The following HS6ST3 variants were observed in gnomAD, a reference collection of about 807,000 sequenced individuals.
HS6ST3 encodes the protein heparan sulfate 6-O-sulfotransferase 3.
In HS6ST3, 12 loss-of-function variants were observed where a neutral mutation model predicts 36.7. The observed-to-expected ratio is 0.33, with a 90% confidence interval of 0.21 to 0.53. The LOEUF (loss-of-function observed/expected upper bound fraction) is 0.53, where lower values mean the gene tolerates loss of function less well. Ranked by LOEUF, HS6ST3 falls within the 20% of genes least tolerant of loss-of-function variation. HS6ST3 has a pLI of 0.95. For synonymous variants in HS6ST3, 240 were observed against 257.5 expected (o/e 0.93, Z 0.65); for missense variants, 584 against 640.9 (o/e 0.91, Z 0.96).
At chr13:96,540,051 G>T (rs2056171923) in intron 1 of HS6ST3, among the ~76,000 whole-genome samples, 1 of 152,230 alleles carries the variant, frequency 6.6e-6, no homozygotes, top group African/African-American at 2.4e-5. Context: ...GATAGTGGCT[G>T]CTGGCTAAAA....
chr13:96,249,798 A>G (rs943982289), intron 1 of HS6ST3, among the ~76,000 whole-genome samples: 1 of 152,200 alleles, frequency 6.6e-6, no homozygotes, highest in Non-Finnish European at 1.5e-5. Context: ...ATGCTACAAC[A>G]TGATGAACTT....
At chr13:96,127,741 T>C (rs1182274762) in intron 1 of HS6ST3, among the ~76,000 whole-genome samples, 1 of 152,246 alleles carries the variant, frequency 6.6e-6, no homozygotes, top group East Asian at 1.9e-4. Context: ...TTAGTTCTGC[T>C]CTTATTCTAG....
intron 1 of HS6ST3, among the ~76,000 whole-genome samples, chr13:96,782,411 G>T (rs1196388370): frequency 6.6e-6 from 1 of 152,104 alleles, no homozygotes; most frequent in South Asian, 2.1e-4. Context: ...TTGCATATGG[G>T]TGTGGCTTGT....
chr13:96,263,783 C>G (rs966838616), intron 1 of HS6ST3, among the ~76,000 whole-genome samples: 47 of 152,208 alleles, frequency 3.1e-4, no homozygotes, highest in African/African-American at 1.1e-3. Flanking sequence ...TGGACAAGAA[C>G]AGAGCAGCCA....
intron 1 of HS6ST3, among the ~76,000 whole-genome samples, chr13:96,785,924 G>T (rs1026316100): frequency 5.9e-5 from 9 of 152,244 alleles, no homozygotes; most frequent in African/African-American, 2.2e-4. Flanking sequence ...AGATGACATT[G>T]GTAATATAAA....
At chr13:96,178,154 G>T (rs1235723728) in intron 1 of HS6ST3, among the ~76,000 whole-genome samples, 2 of 152,054 alleles carry the variant, frequency 1.3e-5, no homozygotes, top group African/African-American at 4.8e-5. Context: ...GATTGGCCAC[G>T]AATTAATACT....
At chr13:96,416,963 G>T (rs1471336201) in intron 1 of HS6ST3, among the ~76,000 whole-genome samples, 1 of 151,998 alleles carries the variant, frequency 6.6e-6, no homozygotes, top group Non-Finnish European at 1.5e-5. Flanking sequence ...TGTTAGCCAG[G>T]ATGGTCTCGA....
intron 1 of HS6ST3, among the ~76,000 whole-genome samples, chr13:96,567,075 A>G (rs541206109): frequency 4.6e-5 from 7 of 152,302 alleles, no homozygotes; most frequent in African/African-American, 1.4e-4. Context: ...GATATTTCCT[A>G]TTAATGATAC....
intron 1 of HS6ST3, among the ~76,000 whole-genome samples, chr13:96,211,057 A>C (rs1594717852): frequency 6.6e-6 from 1 of 151,980 alleles, no homozygotes; most frequent in East Asian, 1.9e-4. Flanking sequence ...CAGCCTCCCA[A>C]GAAACTGGGA....
chr13:96,740,064 C>G (rs996134014), intron 1 of HS6ST3, among the ~76,000 whole-genome samples: 4 of 152,102 alleles, frequency 2.6e-5, no homozygotes, highest in African/African-American at 9.7e-5. Context: ...TCTCAAGACT[C>G]CCTACCTACA....
At chr13:96,571,459 T>A (rs566942040) in intron 1 of HS6ST3, among the ~76,000 whole-genome samples, 1 of 152,362 alleles carries the variant, frequency 6.6e-6, no homozygotes, top group East Asian at 1.9e-4. Flanking sequence ...TAAGGTGAAA[T>A]GGACTCTTAT....
chr13:96,178,658 C>A (rs1196366396), intron 1 of HS6ST3, among the ~76,000 whole-genome samples: 1 of 152,140 alleles, frequency 6.6e-6, no homozygotes, highest in African/African-American at 2.4e-5. Context: ...TACCTGAGAT[C>A]TCTTAGGTTG....
At chr13:96,747,819 G>A (rs1876599573) in intron 1 of HS6ST3, among the ~76,000 whole-genome samples, 1 of 152,000 alleles carries the variant, frequency 6.6e-6, no homozygotes, top group East Asian at 1.9e-4. Flanking sequence ...ACTAGAGACA[G>A]TGTGCTCAAA....
intron 1 of HS6ST3, among the ~76,000 whole-genome samples, chr13:96,429,815 A>G (rs972904412): frequency 5.9e-5 from 9 of 152,210 alleles, no homozygotes; most frequent in African/African-American, 2.4e-5. Context: ...TGTTGTCAGA[A>G]TAATGCAGGC....
chr13:96,585,716 T>G (rs1268200580), intron 1 of HS6ST3, among the ~76,000 whole-genome samples: 2 of 152,200 alleles, frequency 1.3e-5, no homozygotes, highest in Non-Finnish European at 1.5e-5. Context: ...TATTTGTATT[T>G]CTGTGCTTGG....
intron 1 of HS6ST3, among the ~76,000 whole-genome samples, chr13:96,582,916 C>G: frequency 6.6e-6 from 1 of 151,948 alleles, no homozygotes. Flanking sequence ...TAAGTATGTT[C>G]CAAATACTGC....
intron 1 of HS6ST3, among the ~76,000 whole-genome samples, chr13:96,637,514 C>G (rs1489103754): frequency 6.6e-6 from 1 of 152,086 alleles, no homozygotes; most frequent in Non-Finnish European, 1.5e-5. Context: ...AATTGAGATA[C>G]CATCATGCCT....
intron 1 of HS6ST3, among the ~76,000 whole-genome samples, chr13:96,201,270 T>A (rs1213058145): frequency 1.3e-5 from 2 of 152,130 alleles, no homozygotes; most frequent in Non-Finnish European, 2.9e-5. Flanking sequence ...GAATTTCAGA[T>A]GAGAGCTGAT....
intron 1 of HS6ST3, among the ~76,000 whole-genome samples, chr13:96,260,297 A>ACTTTTTTCTTTTCTTTT (rs2054658389): frequency 1.3e-5 from 1 of 78,022 alleles, no homozygotes; most frequent in African/African-American, 5.1e-5. Flanking sequence ...CTCCCTCCCT[A>ACTTTTTTCTTTTCTTTT]CTTTTTTCTT....
Sources: gnomAD v4.1 joint callset for allele counts (sites outside exome capture counted in the v4.1 genomes callset) on GRCh38, gnomAD v4.1.1 for gene constraint, MANE v1.5 for transcripts, NCBI Gene and HGNC (gene_info 2026-07-23, HGNC 2026-07-21) for gene names.